TRPC4AP: variants seen among roughly 807,000 people sequenced by gnomAD.
TRPC4AP encodes the protein short transient receptor potential channel 4-associated protein.
TRPC4AP carries 45 observed loss-of-function variants against 99.0 expected under a neutral mutation model. That is an observed-to-expected ratio of 0.45 (90% CI 0.36 to 0.58). TRPC4AP has a LOEUF of 0.58. Ranked by LOEUF, TRPC4AP falls within the 20% of genes least tolerant of loss-of-function variation. The pLI is 0.00. For synonymous variants in TRPC4AP, 408 were observed against 385.8 expected, an observed-to-expected ratio of 1.06 and a Z score of -0.67; for missense variants, 879 against 985.3, an observed-to-expected ratio of 0.89 and a Z score of 1.44.
intron 5 of TRPC4AP, among the ~76,000 whole-genome samples, chr20:35,050,547 T>C (rs892326672): frequency 6.6e-6 from 1 of 151,868 alleles, no homozygotes; most frequent in African/African-American, 2.4e-5. Flanking sequence ...AAACCCTGTC[T>C]ACTGAAAATA....
intron 10 of TRPC4AP, 36 bp from the exon 11 acceptor site, chr20:35,013,102 A>G (rs1404205021): frequency 6.2e-7 from 1 of 1,610,194 alleles, no homozygotes; most frequent in Non-Finnish European, 8.5e-7. Flanking sequence ...TTAGGACCAC[A>G]GCCACAAGGT....
At chr20:35,066,274 T>G (rs1294039032) in intron 3 of TRPC4AP, among the ~76,000 whole-genome samples, 1 of 152,032 alleles carries the variant, frequency 6.6e-6, no homozygotes, top group African/African-American at 2.4e-5. Flanking sequence ...ATCGGCTAAT[T>G]TTTTTAATTT....
In TRPC4AP at chr20:35,044,492, T is replaced by G. The variant is rs746965377; in HGVS notation, c.865+13A>C. Reference sequence around the variant, plus strand: ...GCTATAATCTCAAAATTCTGAGAACTTGGAGACTTTACCTTGATTGATTTC... The same window carrying G: ...GCTATAATCTCAAAATTCTGAGAACGTGGAGACTTTACCTTGATTGATTTC... On this transcript the variant is annotated intron_variant, in intron 7 of 18. Coordinates refer to ENST00000252015, the MANE Select transcript of TRPC4AP (RefSeq NM_015638.3). 6.2e-7 allele frequency: 1 copy of G among 1,610,572 alleles called. No homozygotes were observed. The highest frequency in any genetic ancestry group is 1.1e-5 in the South Asian group (1 of 91,004).
chr20:35,043,279 T>C (rs1390127136), intron 7 of TRPC4AP, among the ~76,000 whole-genome samples: 2 of 150,788 alleles, frequency 1.3e-5, no homozygotes, highest in African/African-American at 2.4e-5. Flanking sequence ...CGGAGTCTAA[T>C]TATGTCGCCC....
chr20:35,071,133 C>T (rs982824369), intron 2 of TRPC4AP, among the ~76,000 whole-genome samples: 4 of 152,106 alleles, frequency 2.6e-5, no homozygotes, highest in African/African-American at 7.2e-5. Flanking sequence ...TCTTCTTAAA[C>T]GTAAAGACTA....
chr20:35,007,522 C>T, intron 14 of TRPC4AP, 28 bp downstream of exon 14: 1 of 1,612,434 alleles, frequency 6.2e-7, no homozygotes, highest in African/African-American at 1.3e-5. Flanking sequence ...GAGACGGAAC[C>T]CAAGACACTG....
At chr20:35,086,580 T>TATATAC (rs1165026750) in intron 1 of TRPC4AP, among the ~76,000 whole-genome samples, 3 of 146,606 alleles carry the variant, frequency 2.0e-5, no homozygotes, top group East Asian at 4.0e-4. Flanking sequence ...TGTGTGTATA[T>TATATAC]ATATATGAAT....
chr20:35,086,545 G>GTATA (rs1372526587), intron 1 of TRPC4AP, among the ~76,000 whole-genome samples: 2,025 of 59,816 alleles, frequency 0.034, 119 homozygotes, highest in African/African-American at 0.057. Flanking sequence ...GTGTGTGTGT[G>GTATA]TGTGTGTGTG....
chr20:35,082,726 T>G (rs1720311574), intron 1 of TRPC4AP, among the ~76,000 whole-genome samples: 1 of 152,218 alleles, frequency 6.6e-6, no homozygotes, highest in Non-Finnish European at 1.5e-5. Context: ...TATTTGAAAA[T>G]TTTATTCAAT....
Position 35,015,997 on chromosome 20 carries a change from C to T in TRPC4AP, c.1350+11G>A, listed in dbSNP as rs1569087294. The T allele has an allele frequency of 6.2e-7, 1 of 1,614,128 alleles. No homozygotes were observed. Among genetic ancestry groups the T allele is most frequent in the Non-Finnish European group, 8.5e-7 (1 of 1,179,994 alleles). On this transcript the variant is annotated intron_variant, in intron 10 of 18. Coordinates refer to ENST00000252015, the MANE Select transcript of TRPC4AP (RefSeq NM_015638.3). ...TGAGGCCCCATCTGTCCCCGGGGGT[C>T]TCCTGCTTACCGGGCTACAGTCACA...
At chr20:35,006,706 T>TG in intron 14 of TRPC4AP, 131 bp from the exon 15 acceptor site, 1 of 1,223,044 alleles carries the variant, frequency 8.2e-7, no homozygotes, top group East Asian at 2.5e-5. Flanking sequence ...TCTAGATTCT[T>TG]GTCTGAGGAT....
intron 1 of TRPC4AP, among the ~76,000 whole-genome samples, chr20:35,085,090 G>A (rs1411555311): frequency 2.0e-5 from 3 of 152,126 alleles, no homozygotes; most frequent in Non-Finnish European, 4.4e-5. Flanking sequence ...AGAAATACTG[G>A]CTCTCCTGTT....
rs147054498 is a variant in TRPC4AP at position 35,059,817 on chromosome 20, AGAC to A, written c.415-2249_415-2247del. 5.4e-3 allele frequency among the ~76,000 whole-genome samples: 819 copies of A among 152,196 alleles called. 6 individuals are homozygous for A. Among genetic ancestry groups the A allele is most frequent in the Admixed American group, 0.01 (159 of 15,294 alleles). Reference sequence around the variant, plus strand: ...AAGGCGAAGACGAAGACAAAGATGAAGACGAAGAAGATGAAGACAAAGAAGACG... The same window carrying A: ...AAGGCGAAGACGAAGACAAAGATGAAGAAGAAGATGAAGACAAAGAAGACG... On this transcript the variant is annotated intron_variant, in intron 3 of 18. Coordinates refer to ENST00000252015, the MANE Select transcript of TRPC4AP (RefSeq NM_015638.3).
rs751247859 is a variant in TRPC4AP, at chr20:35,021,214, C to A, written c.1194G>T (p.Leu398=). 3 of 1,613,404 alleles carry A rather than the reference C, an allele frequency of 1.9e-6. No homozygotes were observed. The Admixed American group carries it at 5.0e-5, about 27-fold the overall frequency. ...CCTGGTTTCGCTGACGCCCCATCAG[C>A]AGCACGCAGAGGACATAGAGCACTT... ...KLEVLYVLCV[L]LMGRQRNQVH... Residue 398 remains leucine, a synonymous_variant, in exon 9 of 19, where the codon CTG becomes CTT. Transcript: ENST00000252015.
At position 35,035,181 on chromosome 20, in the gene TRPC4AP, A is replaced by G. The variant is rs148729224; in HGVS notation, c.993T>C (p.Asn331=). ...ELEEWYTWLD[N]ALVLDALMRV... ...GCATCAGGGCATCTAGCACCAAAGC[A>G]TTGTCTAGCCATGTGTACCACTCTT... The change falls in exon 8 of 19, where the codon AAT becomes AAC. Residue 331 remains asparagine, a synonymous_variant. Transcript: ENST00000252015. The G allele has an allele frequency of 1.2e-6, 2 of 1,614,020 alleles. No homozygotes were observed. Among genetic ancestry groups the G allele is most frequent in the Non-Finnish European group, 1.7e-6 (2 of 1,179,990 alleles).
At chr20:35,042,634 A>G (rs1243883616) in intron 7 of TRPC4AP, among the ~76,000 whole-genome samples, 1 of 152,214 alleles carries the variant, frequency 6.6e-6, no homozygotes, top group Non-Finnish European at 1.5e-5. Context: ...CAATATTTCC[A>G]GCCTGTTAAC....
At chr20:35,084,279 A>G (rs976942286) in intron 1 of TRPC4AP, among the ~76,000 whole-genome samples, 5 of 152,018 alleles carry the variant, frequency 3.3e-5, no homozygotes, top group African/African-American at 1.2e-4. Flanking sequence ...AAAAAAAAAA[A>G]AGGTATACAC....
intron 3 of TRPC4AP, among the ~76,000 whole-genome samples, chr20:35,059,620 T>C (rs1322805736): frequency 2.0e-5 from 3 of 151,240 alleles, no homozygotes; most frequent in Admixed American, 1.3e-4. Flanking sequence ...ATCATGCCAA[T>C]ACACTCCAGC....
intron 7 of TRPC4AP, among the ~76,000 whole-genome samples, chr20:35,043,848 T>C (rs918114615): frequency 1.3e-5 from 2 of 152,190 alleles, no homozygotes; most frequent in African/African-American, 2.4e-5. Context: ...CCACAGAAAG[T>C]GAAACTGCAG....
Sources: gnomAD v4.1 joint callset for allele counts (sites outside exome capture counted in the v4.1 genomes callset) on GRCh38, gnomAD v4.1.1 for gene constraint, MANE v1.5 for transcripts, NCBI Gene and HGNC (gene_info 2026-07-23, HGNC 2026-07-21) for gene names.